Variants in RPS6KA2 observed in about 807,000 individuals in gnomAD.
The protein encoded by RPS6KA2 is ribosomal protein S6 kinase A2.
RPS6KA2 carries 42 observed loss-of-function variants against 91.8 expected under a neutral mutation model. The observed-to-expected ratio is 0.46, with a 90% confidence interval of 0.36 to 0.59. RPS6KA2 has a LOEUF of 0.59. Among genes scored for constraint, RPS6KA2 ranks in the 20% least tolerant of loss-of-function variants. The probability of loss-of-function intolerance (pLI) is 0.00; values close to 1 mark genes in which losing one functional copy is unlikely to be tolerated. For synonymous variants in RPS6KA2, 414 were observed against 393.6 expected, an observed-to-expected ratio of 1.05 and a Z score of -0.61; for missense variants, 798 against 978.5, an observed-to-expected ratio of 0.82 and a Z score of 2.46.
intron 1 of RPS6KA2, among the ~76,000 whole-genome samples, chr6:166,622,032 T>C: frequency 6.6e-6 from 1 of 152,168 alleles, no homozygotes; most frequent in Admixed American, 6.5e-5. Flanking sequence ...GTGAACATAG[T>C]TCCTTTTTTA....
At chr6:166,698,900 A>C (rs1789429763) in intron 2 of RPS6KA2, among the ~76,000 whole-genome samples, 2 of 152,212 alleles carry the variant, frequency 1.3e-5, no homozygotes. Context: ...AGGATGACAA[A>C]GTTTAGAATG....
intron 2 of RPS6KA2, among the ~76,000 whole-genome samples, chr6:166,843,170 A>G (rs1324769799): frequency 6.6e-6 from 1 of 152,086 alleles, no homozygotes; most frequent in Non-Finnish European, 1.5e-5. Flanking sequence ...CTGCGAACAT[A>G]GCTCCATTGG....
intron 2 of RPS6KA2, among the ~76,000 whole-genome samples, chr6:166,795,428 C>A (rs1425955488): frequency 6.6e-6 from 1 of 152,234 alleles, no homozygotes; most frequent in Non-Finnish European, 1.5e-5. Context: ...TCCCAGTGGT[C>A]AGGTGAACAT....
intron 2 of RPS6KA2, among the ~76,000 whole-genome samples, chr6:166,661,224 C>G (rs1788154398): frequency 6.6e-6 from 1 of 152,166 alleles, no homozygotes; most frequent in Admixed American, 6.5e-5. Flanking sequence ...CCTCAGCCTG[C>G]TAAGTAGCTG....
intron 1 of RPS6KA2, among the ~76,000 whole-genome samples, chr6:166,605,554 TG>T (rs1230072800): frequency 1.3e-5 from 2 of 152,236 alleles, no homozygotes; most frequent in South Asian, 4.1e-4. Flanking sequence ...TAAAATGCCA[TG>T]TGACATTAGA....
rs1449868070 is a variant in RPS6KA2, at chr6:166,411,744, C to CT, written c.*1017dup. ...TGCCCCTCAGTCTGCTGGGTGGGGC[C>CT]TGTGTCTCCCTCCAGCCTCCAGCTG... On this transcript the variant is annotated 3_prime_UTR_variant, in exon 21 of 21. Coordinates refer to ENST00000265678, the MANE Select transcript of RPS6KA2 (RefSeq NM_021135.6). This position sits in a 1 kb window ranked among gnomAD's most constrained non-coding sequence, Gnocchi z 4.5. 1 of 152,584 alleles carries CT rather than the reference C, an allele frequency of 6.6e-6. No individual in the cohort carries two copies. Among genetic ancestry groups the CT allele is most frequent in the East Asian group, 1.9e-4 (1 of 5,194 alleles). 9.5% of individuals were successfully genotyped at this position (152,584 alleles called of 1,614,324 possible).
rs1473146262 is a variant in RPS6KA2, at chr6:166,673,732, A to AT, written c.124-134949dup. 3.6e-3 allele frequency among the ~76,000 whole-genome samples: 552 copies of AT among 152,212 alleles called. 4 individuals carry two copies. Among genetic ancestry groups the AT allele is most frequent in the African/African-American group, 0.013 (527 of 41,500 alleles). On this transcript the variant is annotated intron_variant, in intron 2 of 21. Transcript: ENST00000503859. ...TTCTAAAAATATTATTTCTTTTGTG[A>AT]TTTTTCTTTTTTTAGCTCATCAGCT...
intron 2 of RPS6KA2, among the ~76,000 whole-genome samples, chr6:166,680,823 C>G (rs528445725): frequency 1.3e-5 from 2 of 152,136 alleles, no homozygotes; most frequent in Non-Finnish European, 2.9e-5. Context: ...TCAGGGAGAC[C>G]GAGAACCCAC....
chr6:166,416,459 C>T (rs977039831), intron 19 of RPS6KA2, among the ~76,000 whole-genome samples: 2 of 149,940 alleles, frequency 1.3e-5, no homozygotes, highest in African/African-American at 4.9e-5. Flanking sequence ...TCATCTCTCA[C>T]TATCATCTCC....
rs146159005 is a variant in RPS6KA2, at chr6:166,740,996, C to T, written c.123+117204G>A. Among the ~76,000 whole-genome samples, 10 of 152,360 alleles carry T rather than the reference C, an allele frequency of 6.6e-5. No individual in the cohort carries two copies. The East Asian group carries it at 1.9e-3, about 29-fold the overall frequency. The stretch of plus-strand genomic sequence containing the variant: ...GCGTATGTCACGACACGGCTCCATG[C>T]CTACATGCACAACTGCCAGACACAT... On this transcript the variant is annotated intron_variant, in intron 2 of 21. Transcript: ENST00000503859.
intron 19 of RPS6KA2, among the ~76,000 whole-genome samples, chr6:166,416,079 A>ACCATCTCCACCATCACCCTCG: frequency 4.2e-5 from 1 of 23,968 alleles, no homozygotes; most frequent in East Asian, 1.6e-3. Flanking sequence ...CATCACCCTC[A>ACCATCTCCACCATCACCCTCG]CCATCCTTCC....
chr6:166,580,318 A>G (rs1784965140), intron 1 of RPS6KA2, among the ~76,000 whole-genome samples: 1 of 152,202 alleles, frequency 6.6e-6, no homozygotes, highest in Non-Finnish European at 1.5e-5. Flanking sequence ...CCACTGTGCC[A>G]ACACACCCTG....
At chr6:166,653,056 C>T (rs1297109597) in intron 2 of RPS6KA2, among the ~76,000 whole-genome samples, 4 of 152,216 alleles carry the variant, frequency 2.6e-5, no homozygotes, top group Non-Finnish European at 5.9e-5. Flanking sequence ...ATTTTTCTCT[C>T]CTAATGATTT....
chr6:166,803,964 T>C (rs1321275908), intron 2 of RPS6KA2, among the ~76,000 whole-genome samples: 1 of 152,258 alleles, frequency 6.6e-6, no homozygotes, highest in Non-Finnish European at 1.5e-5. Context: ...CAGTCTGTTC[T>C]AGTGTAACCC....
upstream of RPS6KA2, among the ~76,000 whole-genome samples, chr6:166,629,056 G>A (rs1415204961): frequency 6.6e-6 from 1 of 152,216 alleles, no homozygotes; most frequent in African/African-American, 2.4e-5. Flanking sequence ...TTAGTGCCCT[G>A]TATCCCTGCT....
intron 2 of RPS6KA2, among the ~76,000 whole-genome samples, chr6:166,664,592 G>A (rs1788263180): frequency 6.6e-6 from 1 of 152,146 alleles, no homozygotes; most frequent in Non-Finnish European, 1.5e-5. Flanking sequence ...GTTGTTTCTT[G>A]TAAGAATAGA....
At chr6:166,792,881 C>A (rs1779128635) in intron 2 of RPS6KA2, among the ~76,000 whole-genome samples, 1 of 150,112 alleles carries the variant, frequency 6.7e-6, no homozygotes, top group African/African-American at 2.5e-5. Context: ...ATTTGTGACA[C>A]ACCCACAGCC....
intron 2 of RPS6KA2, among the ~76,000 whole-genome samples, chr6:166,696,173 G>A (rs952105873): frequency 1.3e-5 from 2 of 152,172 alleles, no homozygotes; most frequent in Non-Finnish European, 2.9e-5. Context: ...AGTGGGATTA[G>A]CAGCTCTCCA....
At chr6:166,669,699 C>T (rs1788417156) in intron 2 of RPS6KA2, among the ~76,000 whole-genome samples, 1 of 152,216 alleles carries the variant, frequency 6.6e-6, no homozygotes, top group Non-Finnish European at 1.5e-5. Context: ...ACTCTCCAGC[C>T]TGACCCACCG....
Sources: allele counts gnomAD v4.1 joint callset (sites outside exome capture counted in the v4.1 genomes callset), GRCh38; gene constraint gnomAD v4.1.1; non-coding constraint Gnocchi (gnomAD v3.1); transcripts MANE v1.5; gene names NCBI Gene and HGNC (gene_info 2026-07-23, HGNC 2026-07-21).